Variants in SPIDR observed in about 807,000 individuals in gnomAD.
The protein encoded by SPIDR is scaffold protein involved in DNA repair.
Under a neutral mutation model 104.6 loss-of-function variants are expected in SPIDR, and 93 were observed. That is an observed-to-expected ratio of 0.89 (90% CI 0.75 to 1.06). The LOEUF is 1.06. Among genes scored for constraint, SPIDR ranks in the 50% least tolerant of loss-of-function variants. The pLI, the probability that SPIDR is intolerant of heterozygous loss-of-function variation, is 0.00. For synonymous variants in SPIDR, 431 were observed against 416.9 expected (o/e 1.03, Z -0.41); for missense variants, 1,154 against 1,111.2 (o/e 1.04, Z -0.55).
intron 6 of SPIDR, among the ~76,000 whole-genome samples, chr8:47,399,752 G>A (rs554336388): frequency 6.6e-5 from 10 of 152,182 alleles, no homozygotes; most frequent in Non-Finnish European, 1.2e-4. Flanking sequence ...ATAATGACCC[G>A]TGAAGCCTAA....
At chr8:47,377,851 A>G (rs1554643304) in intron 5 of SPIDR, among the ~76,000 whole-genome samples, 1 of 152,208 alleles carries the variant, frequency 6.6e-6, no homozygotes, top group African/African-American at 2.4e-5. Context: ...CTCCATAATA[A>G]GAATCTCTAG....
chr8:47,399,636 A>G (rs1361382551), intron 6 of SPIDR, among the ~76,000 whole-genome samples: 1 of 152,150 alleles, frequency 6.6e-6, no homozygotes, highest in Non-Finnish European at 1.5e-5. Flanking sequence ...TTTGAGACCT[A>G]TCAGCCAGTG....
At chr8:47,454,991 C>T (rs1274450197) in intron 8 of SPIDR, among the ~76,000 whole-genome samples, 2 of 152,118 alleles carry the variant, frequency 1.3e-5, no homozygotes, top group African/African-American at 2.4e-5. Context: ...TACAGCAAGT[C>T]CTTCAGGCTG....
chr8:47,419,365 G>A (rs879962614), intron 7 of SPIDR: 1 of 152,136 alleles, frequency 6.6e-6, no homozygotes, highest in African/African-American at 2.4e-5. Context: ...ATGTGTCCAG[G>A]AATTTATCCA....
Position 47,337,535 on chromosome 8 carries a change from T to C in SPIDR, c.525+43505T>C, listed in dbSNP as rs554173507. Among the ~76,000 whole-genome samples, 16 of 152,256 alleles carry C rather than the reference T, an allele frequency of 1.1e-4. No individual in the cohort carries two copies. In the South Asian group the frequency reaches 3.1e-3, roughly 30 times the overall value. On this transcript the variant is annotated intron_variant, in intron 5 of 19. Transcript: ENST00000297423. Reference sequence around the variant, plus strand: ...GATTTGTAAATATTTTTTCCCATCATTGGGTTTTATTTTCACCTCCTTAAT... The same window carrying C: ...GATTTGTAAATATTTTTTCCCATCACTGGGTTTTATTTTCACCTCCTTAAT...
chr8:47,426,860 A>G (rs1425535734), intron 7 of SPIDR, among the ~76,000 whole-genome samples: 5 of 152,234 alleles, frequency 3.3e-5, no homozygotes, highest in Admixed American at 3.3e-4. Context: ...TCACCTTTCA[A>G]CACTGCTGTG....
intron 5 of SPIDR, among the ~76,000 whole-genome samples, chr8:47,317,530 G>T (rs2045614359): frequency 1.3e-5 from 2 of 152,104 alleles, no homozygotes; most frequent in Admixed American, 1.3e-4. Flanking sequence ...CTGGAGGCAG[G>T]GAATAACCAA....
intron 8 of SPIDR, among the ~76,000 whole-genome samples, chr8:47,448,049 A>G (rs2071012450): frequency 6.6e-6 from 1 of 152,218 alleles, no homozygotes; most frequent in African/African-American, 2.4e-5. Flanking sequence ...CTGCAGCTAT[A>G]CTTCCAGTAT....
intron 10 of SPIDR, among the ~76,000 whole-genome samples, chr8:47,622,673 G>A (rs1026976636): frequency 9.2e-5 from 14 of 152,162 alleles, no homozygotes; most frequent in African/African-American, 3.4e-4. Flanking sequence ...CATCGGCCCT[G>A]CATGGATGAG....
At position 47,713,509 on chromosome 8, in the gene SPIDR, C is replaced by A. The variant is rs755677967; in HGVS notation, c.2209C>A (p.Arg737=). Residue 737 remains arginine (R), a synonymous_variant, in exon 16 of 20, where the codon CGA becomes AGA. Coordinates refer to ENST00000297423, the MANE Select transcript of SPIDR (RefSeq NM_001080394.4). ...RDQGRIVCAE[R]TVLLLQKPLL... ...GGCAGGTCGGATTGTTTGTGCTGAA[C>A]GAACTGTCCTCTTGCTTCAGAAGCC... is the stretch of plus-strand genomic sequence containing the variant. The A allele has an allele frequency of 6.2e-7, 1 of 1,614,130 alleles. No homozygotes were observed. Among genetic ancestry groups the A allele is most frequent in the Admixed American group, 1.7e-5 (1 of 60,016 alleles).
chr8:47,360,921 T>C (rs1470468847), intron 5 of SPIDR: 1 of 985,296 alleles, frequency 1.0e-6, no homozygotes, highest in Non-Finnish European at 1.2e-6. Context: ...GATAAGACTT[T>C]GATTCAACCA....
chr8:47,656,610 CA>C (rs2072866420), intron 10 of SPIDR, among the ~76,000 whole-genome samples: 1 of 152,106 alleles, frequency 6.6e-6, no homozygotes, highest in Non-Finnish European at 1.5e-5. Context: ...GGCAGTTCCC[CA>C]AAAAGTTAAA....
chr8:47,654,025 G>T, intron 10 of SPIDR: 1 of 1,288,260 alleles, frequency 7.8e-7, no homozygotes, highest in Non-Finnish European at 1.0e-6. Flanking sequence ...TTCCATGAGG[G>T]GAACAGGCGG....
chr8:47,417,718 T>TA, intron 7 of SPIDR, among the ~76,000 whole-genome samples: 1 of 152,220 alleles, frequency 6.6e-6, no homozygotes, highest in East Asian at 1.9e-4. Flanking sequence ...TCCTGAATGG[T>TA]ATTGCCTAGG....
intron 10 of SPIDR, among the ~76,000 whole-genome samples, chr8:47,639,928 C>CAA (rs777519014): frequency 7.8e-6 from 1 of 128,218 alleles, no homozygotes; most frequent in Non-Finnish European, 1.7e-5. Context: ...GCCTGGGTGA[C>CAA]AAAAAAAAAA....
At chr8:47,659,438 C>T (rs2073637841) in intron 10 of SPIDR, among the ~76,000 whole-genome samples, 1 of 152,206 alleles carries the variant, frequency 6.6e-6, no homozygotes, top group South Asian at 2.1e-4. Context: ...CAGTAGAAGT[C>T]GTGCTAACAT....
In SPIDR at chr8:47,386,352, T is replaced by G. The variant is rs146082701; in HGVS notation, c.526-10024T>G. Among the ~76,000 whole-genome samples the G allele has an allele frequency of 4.6e-3, 695 of 152,342 alleles. 5 individuals carry two copies. The highest frequency in any genetic ancestry group is 0.016 in the African/African-American group (657 of 41,582). ...TGAAAAAAGCTTGAGGGAAATTCTTTAAATTTAATGGGGTAATTCTACTTG... is the reference window on the plus strand; with the variant it reads ...TGAAAAAAGCTTGAGGGAAATTCTTGAAATTTAATGGGGTAATTCTACTTG... On this transcript the variant is annotated intron_variant, in intron 5 of 19. Coordinates refer to ENST00000297423, the MANE Select transcript of SPIDR (RefSeq NM_001080394.4).
rs898261856 is a variant in SPIDR, at chr8:47,512,006, C to G, written c.1097+71464C>G. 39 of 764,568 alleles carry G rather than the reference C, an allele frequency of 5.1e-5. No homozygotes were observed. In the Middle Eastern group the frequency reaches 1.4e-3, roughly 28 times the overall value. The allele number at this position is 764,568 out of a possible 1,614,324, so 47.4% of individuals were successfully genotyped here. ...TGTGAAATGGTTATGATGTCTTCTT[C>G]CCCTCTGTCCTCATAAAAGCTCGCT... is the stretch of plus-strand genomic sequence containing the variant. On this transcript the variant is annotated intron_variant, in intron 8 of 19. Transcript: ENST00000297423.
chr8:47,451,024 A>G (rs1276209878), intron 8 of SPIDR, among the ~76,000 whole-genome samples: 1 of 152,230 alleles, frequency 6.6e-6, no homozygotes, highest in Non-Finnish European at 1.5e-5. Flanking sequence ...ACACACAAAC[A>G]GGAAAATATG....
Sources: gnomAD v4.1 joint callset for allele counts (sites outside exome capture counted in the v4.1 genomes callset) on GRCh38, gnomAD v4.1.1 for gene constraint, MANE v1.5 for transcripts, NCBI Gene and HGNC (gene_info 2026-07-23, HGNC 2026-07-21) for gene names.